The following PCDHGB2 variants were observed in gnomAD, a reference collection of about 807,000 sequenced individuals.
PCDHGB2 encodes protocadherin gamma subfamily B, 2, also known as protocadherin gamma-B2.
A neutral mutation model predicts 59.3 loss-of-function variants in PCDHGB2; 55 were observed. The ratio of observed to expected loss-of-function variants is 0.93; its 90% CI spans 0.75 to 1.16. PCDHGB2 has a LOEUF of 1.16. PCDHGB2 is among the 50% of genes most tolerant of loss of function. The pLI is 0.00. For missense variants in PCDHGB2, 1,228 were observed against 1,198.5 expected (o/e 1.02, Z -0.36); for synonymous variants, 516 against 512.0 (o/e 1.01, Z -0.11).
rs368371918 is a variant in PCDHGB2 at position 141,432,800 on chromosome 5, C to G, written c.2422-62007C>G. Reference sequence around the variant, plus strand: ...GGCGGACCTCGGCAGCCTCGAGTCTCCAGCTAACTCTGAAACCTCAGACCT... The same window carrying G: ...GGCGGACCTCGGCAGCCTCGAGTCTGCAGCTAACTCTGAAACCTCAGACCT... On this transcript the variant is annotated intron_variant, in intron 1 of 3. Coordinates refer to ENST00000522605, the MANE Select transcript of PCDHGB2 (RefSeq NM_018923.3). This position sits in a 1 kb window ranked among gnomAD's most constrained non-coding sequence, Gnocchi z 6.0. The G allele has an allele frequency of 9.9e-6, 16 of 1,614,038 alleles. No individual in the cohort carries two copies. Among genetic ancestry groups the G allele is most frequent in the Non-Finnish European group, 1.3e-5 (15 of 1,180,016 alleles).
intron 1 of PCDHGB2, among the ~76,000 whole-genome samples, chr5:141,492,996 AG>A: frequency 6.6e-6 from 1 of 152,348 alleles, no homozygotes; most frequent in Admixed American, 6.5e-5. Flanking sequence ...GCAGATGGAA[AG>A]CTATAGGCTC....
rs753256077 is a variant in PCDHGB2 at position 141,431,467 on chromosome 5, C to A, written c.2422-63340C>A. On this transcript the variant is annotated intron_variant, in intron 1 of 3. Coordinates refer to ENST00000522605, the MANE Select transcript of PCDHGB2 (RefSeq NM_018923.3). The surrounding 1 kb of genome is among the most constrained non-coding windows in gnomAD (Gnocchi z 4.8). The stretch of plus-strand genomic sequence containing the variant: ...TCCGCGTGATGGTTCTGGATGCGAA[C>A]GACAACGCACCAGCGTTTGCTCAGC... 1.9e-5 allele frequency: 31 copies of A among 1,613,684 alleles called. No homozygotes were observed. The highest frequency in any genetic ancestry group is 3.4e-6 in the Non-Finnish European group (4 of 1,179,964).
intron 1 of PCDHGB2, chr5:141,400,718 A>G (rs2094066078): frequency 3.0e-6 from 2 of 671,700 alleles, no homozygotes; most frequent in Non-Finnish European, 5.0e-6. Flanking sequence ...AGCCTTATAG[A>G]TTTACAAAGT....
chr5:141,387,132 C>T lies in PCDHGB2; in HGVS notation c.2421+24576C>T, dbSNP rs180939160. Among the ~76,000 whole-genome samples, 392 of 152,234 alleles carry T rather than the reference C, an allele frequency of 2.6e-3. 2 individuals carry two copies. The highest frequency in any genetic ancestry group is 9.3e-3 in the African/African-American group (386 of 41,528). ...TATTCCTGTAATGAAATCACTGAAA[C>T]TATTGGGAAGGGGGTGTATTTGAAG... On this transcript the variant is annotated intron_variant, in intron 1 of 3. Coordinates refer to ENST00000522605, the MANE Select transcript of PCDHGB2 (RefSeq NM_018923.3).
chr5:141,404,725 G>A (rs1381392805), intron 1 of PCDHGB2: 1 of 1,613,980 alleles, frequency 6.2e-7, no homozygotes, highest in Non-Finnish European at 8.5e-7. Context: ...TGACCAAGGT[G>A]GTGGCAGTGG....
intron 1 of PCDHGB2, among the ~76,000 whole-genome samples, chr5:141,445,778 T>G (rs1045010487): frequency 6.6e-6 from 1 of 152,190 alleles, no homozygotes; most frequent in East Asian, 1.9e-4. Context: ...TTAAAAGGGC[T>G]AGGGAGGCTA....
chr5:141,411,752 C>T (rs2095512204), intron 1 of PCDHGB2: 1 of 152,734 alleles, frequency 6.5e-6, no homozygotes. Context: ...TGTGGTGGCA[C>T]ATGCCTGTGG....
Position 141,500,251 on chromosome 5 carries a change from C to T in PCDHGB2, c.2481-5142C>T, listed in dbSNP as rs187199142. Among the ~76,000 whole-genome samples, 1,493 of 151,438 alleles carry T rather than the reference C, an allele frequency of 9.9e-3. 32 individuals are homozygous for T. Among genetic ancestry groups the T allele is most frequent in the African/African-American group, 0.035 (1,426 of 41,214 alleles). Reference sequence around the variant, plus strand: ...TGATACGTAGCCTTGCTCTGTCACCCAGGCTGGACTGCAGTGGCGCAATCT... The same window carrying T: ...TGATACGTAGCCTTGCTCTGTCACCTAGGCTGGACTGCAGTGGCGCAATCT... On this transcript the variant is annotated intron_variant, in intron 2 of 3. Coordinates refer to ENST00000522605, the MANE Select transcript of PCDHGB2 (RefSeq NM_018923.3).
At chr5:141,393,669 G>A in intron 1 of PCDHGB2, 1 of 1,613,886 alleles carries the variant, frequency 6.2e-7, no homozygotes, top group Non-Finnish European at 8.5e-7. Flanking sequence ...GAAAATTAAT[G>A]AAAAACAAAC....
rs145463208 is a variant in PCDHGB2 at position 141,370,418 on chromosome 5, G to A, written c.2421+7862G>A. ...GGATGGGAAATAGCTCCGGATGGAG[G>A]GGCCCAGCAGGGCAGAGGCGAATGC... is the stretch of plus-strand genomic sequence containing the variant. On this transcript the variant is annotated intron_variant, in intron 1 of 3. Coordinates refer to ENST00000522605, the MANE Select transcript of PCDHGB2 (RefSeq NM_018923.3). 1.7e-5 allele frequency: 26 copies of A among 1,570,524 alleles called. 1 individual carries two copies. The Middle Eastern group carries it at 5.2e-4, about 31-fold the overall frequency.
intron 1 of PCDHGB2, chr5:141,366,971 C>T (rs1764884067): frequency 3.5e-6 from 2 of 572,978 alleles, no homozygotes; most frequent in Admixed American, 7.6e-5. Flanking sequence ...GAAACAAATA[C>T]CTTAAAGGAA....
chr5:141,468,903 C>T (rs1265804352), intron 1 of PCDHGB2, among the ~76,000 whole-genome samples: 1 of 151,614 alleles, frequency 6.6e-6, no homozygotes, highest in Non-Finnish European at 1.5e-5. Context: ...CTAATATGAT[C>T]CAGACTAGAA....
At chr5:141,421,305 G>A in intron 1 of PCDHGB2, 23 of 1,613,652 alleles carry the variant, frequency 1.4e-5, no homozygotes, top group Non-Finnish European at 1.9e-5. Context: ...CGCTGCGGGG[G>A]TTCCGGGCCA....
At chr5:141,365,372 AT>A in intron 1 of PCDHGB2, 1 of 1,613,916 alleles carries the variant, frequency 6.2e-7, no homozygotes, top group Non-Finnish European at 8.5e-7. Flanking sequence ...CCCCGAAGTG[AT>A]CCTCACCTCT....
chr5:141,374,798 A>C (rs1471175480), intron 1 of PCDHGB2: 3 of 1,613,784 alleles, frequency 1.9e-6, no homozygotes, highest in Non-Finnish European at 2.5e-6. Context: ...GAATGACAAC[A>C]CTCCAATGTT....
chr5:141,465,697 T>C (rs1386528821), intron 1 of PCDHGB2, among the ~76,000 whole-genome samples: 2 of 152,200 alleles, frequency 1.3e-5, no homozygotes, highest in African/African-American at 4.8e-5. Context: ...TGCTTTTGCA[T>C]TGGTCAAATG....
intron 1 of PCDHGB2, among the ~76,000 whole-genome samples, chr5:141,474,990 A>G (rs1245269630): frequency 6.6e-6 from 1 of 152,222 alleles, no homozygotes; most frequent in African/African-American, 2.4e-5. Context: ...GGTGACAACA[A>G]TTCTAAATGC....
At chr5:141,438,591 C>CATATATATAT (rs946798767) in intron 1 of PCDHGB2, among the ~76,000 whole-genome samples, 17 of 75,552 alleles carry the variant, frequency 2.3e-4, no homozygotes, top group Non-Finnish European at 3.8e-4. Context: ...TACATACATA[C>CATATATATAT]ATATATATAT....
rs1212381177 is a variant in PCDHGB2 at position 141,438,571 on chromosome 5, TATACATAC to T, written c.2422-56220_2422-56213del. On this transcript the variant is annotated intron_variant, in intron 1 of 3. Coordinates refer to ENST00000522605, the MANE Select transcript of PCDHGB2 (RefSeq NM_018923.3). Reference sequence around the variant, plus strand: ...GCCCTAATAAGAGGCAGCTGTCTGATATACATACATACATACATACATATATATATATA... The same window carrying T: ...GCCCTAATAAGAGGCAGCTGTCTGATATACATACATACATATATATATATA... Among the ~76,000 whole-genome samples the T allele has an allele frequency of 2.8e-4, 26 of 94,536 alleles. 1 individual carries two copies. Among genetic ancestry groups the T allele is most frequent in the South Asian group, 1.0e-3 (3 of 2,950 alleles). 62.0% of individuals were successfully genotyped at this position (94,536 alleles called of 152,430 possible). A position where few individuals can be genotyped will look rare whatever the true frequency, so the allele number is the denominator to read the frequency against.
Sources: allele counts gnomAD v4.1 joint callset (sites outside exome capture counted in the v4.1 genomes callset), GRCh38; gene constraint gnomAD v4.1.1; non-coding constraint Gnocchi (gnomAD v3.1); transcripts MANE v1.5; gene names NCBI Gene and HGNC (gene_info 2026-07-23, HGNC 2026-07-21).